The following ARHGAP21 variants were observed in gnomAD, a reference collection of about 807,000 sequenced individuals.
ARHGAP21 encodes Rho GTPase activating protein 21.
ARHGAP21 carries 38 observed loss-of-function variants against 164.6 expected under a neutral mutation model. The ratio of observed to expected loss-of-function variants is 0.23; its 90% CI spans 0.18 to 0.30. The LOEUF is 0.30. Among genes scored for constraint, ARHGAP21 ranks in the 10% least tolerant of loss-of-function variants. ARHGAP21 has a pLI of 1.00. For missense variants in ARHGAP21, 1,822 were observed against 2,370.7 expected, an observed-to-expected ratio of 0.77 and a Z score of 4.81; for synonymous variants, 766 against 857.9, an observed-to-expected ratio of 0.89 and a Z score of 1.87.
chr10:24,715,383 C>G lies in ARHGAP21; in HGVS notation c.63+6454G>C, dbSNP rs1845266645. Among the ~76,000 whole-genome samples, 3 of 152,058 alleles carry G rather than the reference C, an allele frequency of 2.0e-5. 1 individual carries two copies. In the South Asian group the frequency reaches 6.2e-4, roughly 32 times the overall value. On this transcript the variant is annotated intron_variant, in intron 2 of 25. Coordinates refer to ENST00000396432, the MANE Select transcript of ARHGAP21 (RefSeq NM_020824.4). The stretch of plus-strand genomic sequence containing the variant: ...ATAAAAATACATAATAAGGAACATC[C>G]ATATACTAGCCATTCGTTTTAAGAA...
At chr10:24,597,682 G>C (rs2130859214) in intron 15 of ARHGAP21, 99 bp from the exon 16 acceptor site, 1 of 1,500,378 alleles carries the variant, frequency 6.7e-7, no homozygotes. Context: ...ATATTAACTG[G>C]AAAATTCTTG....
intron 14 of ARHGAP21, among the ~76,000 whole-genome samples, chr10:24,600,058 G>A (rs1027681240): frequency 2.7e-5 from 4 of 148,432 alleles, no homozygotes; most frequent in African/African-American, 5.0e-5. Context: ...GTGTGAACCC[G>A]GGAGGCAGGG....
At chr10:24,640,289 AATATATAT>A (rs138268455) in intron 4 of ARHGAP21, 2 of 147,212 alleles carry the variant, frequency 1.4e-5, no homozygotes, top group African/African-American at 2.5e-5. Flanking sequence ...TAGGCTTTAA[AATATATAT>A]ATATATATAT....
chr10:24,704,289 C>CTTTTTTTTTTTTTT (rs201080039), intron 2 of ARHGAP21, among the ~76,000 whole-genome samples: 2 of 125,972 alleles, frequency 1.6e-5, no homozygotes, highest in African/African-American at 3.1e-5. Flanking sequence ...TTTTTCTTTT[C>CTTTTTTTTTTTTTT]TTTTTTTTTT....
intron 2 of ARHGAP21, among the ~76,000 whole-genome samples, chr10:24,678,463 A>G (rs1841478962): frequency 6.6e-6 from 1 of 151,770 alleles, no homozygotes; most frequent in Admixed American, 6.6e-5. Flanking sequence ...GGCAACCACT[A>G]ATCTGTTTTT....
At chr10:24,631,421 A>AT (rs200331223) in intron 6 of ARHGAP21, among the ~76,000 whole-genome samples, 2 of 151,974 alleles carry the variant, frequency 1.3e-5, no homozygotes, top group Admixed American at 1.3e-4. Flanking sequence ...CAGTGCTACT[A>AT]TCTCCACCAA....
At position 24,584,447 on chromosome 10, in the gene ARHGAP21, GGGTTTCAGACA is replaced by G. The variant is rs2076013734; in HGVS notation, c.5831_5841del (p.Leu1944ProfsTer4). On this transcript the variant is annotated frameshift_variant, in exon 26 of 26. Coordinates refer to ENST00000396432, the MANE Select transcript of ARHGAP21 (RefSeq NM_020824.4). LOFTEE classifies it high-confidence loss of function. ...GGATGAAACTCTGCTTTACTGCCTG[GGGTTTCAGACA>G]GTTTATGAGGTTGGGCATTCGCTGC... 2 of 1,612,708 alleles carry G rather than the reference GGGTTTCAGACA, an allele frequency of 1.2e-6. No homozygotes were observed. Among genetic ancestry groups the G allele is most frequent in the African/African-American group, 1.3e-5 (1 of 74,830 alleles).
intron 6 of ARHGAP21, among the ~76,000 whole-genome samples, chr10:24,633,103 A>T (rs1835999605): frequency 6.6e-6 from 1 of 152,236 alleles, no homozygotes; most frequent in Admixed American, 6.5e-5. Context: ...TATTAAAAAC[A>T]AATTATACAT....
intron 2 of ARHGAP21, among the ~76,000 whole-genome samples, chr10:24,701,226 T>C (rs1843642933): frequency 6.6e-6 from 1 of 152,166 alleles, no homozygotes; most frequent in African/African-American, 2.4e-5. Flanking sequence ...CCTCTTCCAT[T>C]TGGTTTCCCC....
At chr10:24,696,569 G>T (rs1181203344) in intron 2 of ARHGAP21, among the ~76,000 whole-genome samples, 1 of 152,164 alleles carries the variant, frequency 6.6e-6, no homozygotes, top group African/African-American at 2.4e-5. Context: ...ATGTGACGCT[G>T]GATGAAGGCT....
Position 24,585,870 on chromosome 10 carries a change from AATG to A in ARHGAP21, c.4416_4418del (p.Ile1473del). ...CTTTCCTAGTGCTGTTTTCTTTGGC[AATG>A]ATGATCTTCTGTTTTCTGCCCAGTG... is the stretch of plus-strand genomic sequence containing the variant. On this transcript the variant is annotated inframe_deletion, in exon 26 of 26. Coordinates refer to ENST00000396432, the MANE Select transcript of ARHGAP21 (RefSeq NM_020824.4). 1 of 1,613,948 alleles carries A rather than the reference AATG, an allele frequency of 6.2e-7. No individual in the cohort carries two copies. The highest frequency in any genetic ancestry group is 8.5e-7 in the Non-Finnish European group (1 of 1,179,874).
intron 2 of ARHGAP21, among the ~76,000 whole-genome samples, chr10:24,692,953 A>T (rs1468589843): frequency 6.6e-6 from 1 of 152,188 alleles, no homozygotes; most frequent in Non-Finnish European, 1.5e-5. Context: ...ACATGGATAC[A>T]TTTCAAAGAT....
chr10:24,621,295 T>C lies in ARHGAP21; in HGVS notation c.600A>G (p.Pro200=), dbSNP rs1184197656. The change falls in exon 9 of 26, where the codon CCA becomes CCG. Residue 200 remains proline, a synonymous_variant. Coordinates refer to ENST00000396432, the MANE Select transcript of ARHGAP21 (RefSeq NM_020824.4). ...ATGGCAGCCAGGGATAGCAGATTGGTGGAGGTTCAGGTATATTGCGGGCAT... is the reference window on the plus strand; with the variant it reads ...ATGGCAGCCAGGGATAGCAGATTGGCGGAGGTTCAGGTATATTGCGGGCAT... ...SGNARNIPEP[P]PICYPWLPSA... 7 of 1,613,106 alleles carry C rather than the reference T, an allele frequency of 4.3e-6. No individual in the cohort carries two copies. Among genetic ancestry groups the C allele is most frequent in the Admixed American group, 1.7e-5 (1 of 59,904 alleles).
chr10:24,638,222 C>A (rs980734017), intron 4 of ARHGAP21, among the ~76,000 whole-genome samples: 1 of 152,036 alleles, frequency 6.6e-6, no homozygotes, highest in African/African-American at 2.4e-5. Flanking sequence ...ACCTAGATAT[C>A]ATCCAATTCC....
At chr10:24,614,422 G>A (rs1220295224) in intron 9 of ARHGAP21, among the ~76,000 whole-genome samples, 1 of 152,130 alleles carries the variant, frequency 6.6e-6, no homozygotes, top group African/African-American at 2.4e-5. Context: ...TGAGATTTGG[G>A]TCTATTTTCA....
intron 4 of ARHGAP21, among the ~76,000 whole-genome samples, chr10:24,639,986 T>A (rs978246112): frequency 1.5e-4 from 23 of 151,604 alleles, no homozygotes; most frequent in Non-Finnish European, 1.9e-4. Flanking sequence ...CTATGACAGT[T>A]ACAAAAAGGA....
At chr10:24,597,774 ATACAC>A (rs1034307296) in intron 15 of ARHGAP21, among the ~76,000 whole-genome samples, 166 bp downstream of exon 15, 5 of 152,178 alleles carry the variant, frequency 3.3e-5, no homozygotes, top group African/African-American at 1.2e-4. Flanking sequence ...GCCACACTGT[ATACAC>A]TACCCGCCCA....
At chr10:24,698,459 T>C (rs1843367813) in intron 2 of ARHGAP21, among the ~76,000 whole-genome samples, 1 of 152,202 alleles carries the variant, frequency 6.6e-6, no homozygotes, top group Admixed American at 6.5e-5. Context: ...GTAGTATTTT[T>C]AAGTGCTTTT....
intron 10 of ARHGAP21, 34 bp from the exon 11 acceptor site, chr10:24,607,635 C>CA: frequency 6.2e-7 from 1 of 1,611,430 alleles, no homozygotes; most frequent in East Asian, 2.2e-5. Context: ...TTTAGACATT[C>CA]ACAAGTGGTT....
Sources: allele counts gnomAD v4.1 joint callset (sites outside exome capture counted in the v4.1 genomes callset), GRCh38; gene constraint gnomAD v4.1.1; transcripts MANE v1.5; gene names NCBI Gene and HGNC (gene_info 2026-07-23, HGNC 2026-07-21).